The following LRRTM3 variants were observed in gnomAD, a reference collection of about 807,000 sequenced individuals.
LRRTM3 encodes the protein leucine rich repeat transmembrane neuronal 3.
LRRTM3 carries 24 observed loss-of-function variants against 44.7 expected under a neutral mutation model. That is an observed-to-expected ratio of 0.54 (90% CI 0.39 to 0.76). The LOEUF is 0.76. Among genes scored for constraint, LRRTM3 ranks in the 30% least tolerant of loss-of-function variants. LRRTM3 has a pLI of 0.00. For synonymous variants in LRRTM3, 277 were observed against 278.7 expected (o/e 0.99, Z 0.06); for missense variants, 587 against 702.2 (o/e 0.84, Z 1.85).
intron 2 of LRRTM3, among the ~76,000 whole-genome samples, chr10:66,968,661 GA>G (rs1330202553): frequency 6.6e-6 from 1 of 152,094 alleles, no homozygotes; most frequent in Non-Finnish European, 1.5e-5. Context: ...AAGTGGCTAT[GA>G]AACTGGGTAT....
At chr10:66,935,704 C>G (rs1308745420) in intron 2 of LRRTM3, among the ~76,000 whole-genome samples, 1 of 151,598 alleles carries the variant, frequency 6.6e-6, no homozygotes, top group Non-Finnish European at 1.5e-5. Flanking sequence ...TAATTGAGTC[C>G]TTATTATGTA....
intron 2 of LRRTM3, among the ~76,000 whole-genome samples, chr10:67,022,348 T>C (rs1023714614): frequency 1.3e-5 from 2 of 152,130 alleles, no homozygotes; most frequent in African/African-American, 4.8e-5. Flanking sequence ...TGTGTGTGTG[T>C]CTGTGTGTGT....
chr10:67,002,729 G>A (rs1252123745), intron 2 of LRRTM3, among the ~76,000 whole-genome samples: 1 of 151,728 alleles, frequency 6.6e-6, no homozygotes, highest in Non-Finnish European at 1.5e-5. Context: ...TTACCAAGCA[G>A]AATTTTTTTT....
At chr10:66,957,824 A>C (rs1301581930) in intron 2 of LRRTM3, among the ~76,000 whole-genome samples, 1 of 152,078 alleles carries the variant, frequency 6.6e-6, no homozygotes, top group Non-Finnish European at 1.5e-5. Context: ...CCAGCATTGC[A>C]GCCACTACTA....
chr10:66,965,711 T>C (rs924759241), intron 2 of LRRTM3, among the ~76,000 whole-genome samples: 1 of 152,070 alleles, frequency 6.6e-6, no homozygotes, highest in African/African-American at 2.4e-5. Context: ...CCCTGAATTT[T>C]TCTCTCTTCC....
At chr10:67,053,419 C>A (rs939152799) in intron 2 of LRRTM3, among the ~76,000 whole-genome samples, 10 of 152,154 alleles carry the variant, frequency 6.6e-5, no homozygotes, top group Non-Finnish European at 5.9e-5. Flanking sequence ...ACTTGAAGAA[C>A]ATTTTTATAA....
At chr10:66,943,519 C>CT (rs34477836) in intron 2 of LRRTM3, among the ~76,000 whole-genome samples, 96 of 141,512 alleles carry the variant, frequency 6.8e-4, no homozygotes, top group African/African-American at 2.3e-3. Flanking sequence ...TTCCCCCACC[C>CT]TTTTTTTTTT....
rs1453928127 is a variant in LRRTM3 at position 67,101,189 on chromosome 10, C to G, written c.*3393C>G. Among the ~76,000 whole-genome samples, 1 of 151,504 alleles carries G rather than the reference C, an allele frequency of 6.6e-6. No homozygotes were observed. Among genetic ancestry groups the G allele is most frequent in the Admixed American group, 6.6e-5 (1 of 15,138 alleles). The stretch of plus-strand genomic sequence containing the variant: ...GTGGATGCATGTAGGCCCCGAGGTA[C>G]AGACATAAAATCAAGGAAGCACAAG... On this transcript the variant is annotated 3_prime_UTR_variant, in exon 3 of 3. Coordinates refer to ENST00000361320, the MANE Select transcript of LRRTM3 (RefSeq NM_178011.5).
In LRRTM3 at chr10:67,100,985, T is replaced by C. The variant is rs189687435; in HGVS notation, c.*3189T>C. On this transcript the variant is annotated 3_prime_UTR_variant, in exon 3 of 3. Transcript: ENST00000361320. ...TATATATCTATATATATTTGACATG[T>C]TGTTTAGTAATCCCTATTTTAATTC... Among the ~76,000 whole-genome samples the C allele has an allele frequency of 4.0e-5, 6 of 151,880 alleles. No homozygotes were observed. The highest frequency in any genetic ancestry group is 7.4e-5 in the Non-Finnish European group (5 of 67,810).
At chr10:66,941,620 G>A (rs1181651093) in intron 2 of LRRTM3, among the ~76,000 whole-genome samples, 5 of 152,132 alleles carry the variant, frequency 3.3e-5, no homozygotes, top group Non-Finnish European at 7.3e-5. Flanking sequence ...ATAAACTGCA[G>A]AACACGATAT....
chr10:67,007,777 AG>A lies in LRRTM3; in HGVS notation c.1536+79326del, dbSNP rs566606938. Reference sequence around the variant, plus strand: ...ATAAAAATAGTATTTTTAAAAAAAAAGTTCAAAAAATTGTCAAGTAACTCAA... The same window carrying A: ...ATAAAAATAGTATTTTTAAAAAAAAATTCAAAAAATTGTCAAGTAACTCAA... On this transcript the variant is annotated intron_variant, in intron 2 of 2. Coordinates refer to ENST00000361320, the MANE Select transcript of LRRTM3 (RefSeq NM_178011.5). Among the ~76,000 whole-genome samples the A allele has an allele frequency of 1.5e-3, 227 of 152,134 alleles. 1 individual carries two copies. The highest frequency in any genetic ancestry group is 5.2e-3 in the African/African-American group (214 of 41,536).
chr10:67,003,182 G>C (rs1404957200), intron 2 of LRRTM3, among the ~76,000 whole-genome samples: 2 of 152,140 alleles, frequency 1.3e-5, no homozygotes, highest in Non-Finnish European at 2.9e-5. Flanking sequence ...TGCTGAATCA[G>C]ACTGCCCCAA....
intron 2 of LRRTM3, among the ~76,000 whole-genome samples, chr10:66,974,963 G>A (rs72804652): frequency 0.23 from 34,312 of 151,924 alleles, 4,368 homozygotes; most frequent in Non-Finnish European, 0.3. Flanking sequence ...TCAAGAATAG[G>A]TCTAAAATCC....
intron 2 of LRRTM3, among the ~76,000 whole-genome samples, chr10:66,937,313 C>A (rs1217706742): frequency 3.9e-4 from 59 of 152,156 alleles, no homozygotes; most frequent in Non-Finnish European, 5.9e-5. Context: ...GGCAAAGAAT[C>A]AGCATTTGTT....
Position 66,927,241 on chromosome 10 carries a change from C to A in LRRTM3, c.325C>A (p.Arg109Ser), listed in dbSNP as rs1223429501. The A allele has an allele frequency of 1.2e-6, 2 of 1,614,072 alleles. No individual in the cohort carries two copies. Among genetic ancestry groups the A allele is most frequent in the South Asian group, 2.2e-5 (2 of 91,084 alleles). Residue 109 changes from arginine (R) to serine (S), a missense_variant, in exon 2 of 3, where the codon CGC becomes AGC. Arg to Ser is a moderately radical substitution (Grantham distance 110). This residue lies in a region of LRRTM3 where 222 missense variants were observed against 323.3 expected (regional missense o/e 0.69). Transcript: ENST00000361320. This position sits in a 1 kb window ranked among gnomAD's most constrained non-coding sequence, Gnocchi z 4.7. ...TGACGAAAATGCTTTTAATGGAATACGCAGACTCAAAGAGCTGATTCTTAG... is the reference window on the plus strand; with the variant it reads ...TGACGAAAATGCTTTTAATGGAATAAGCAGACTCAAAGAGCTGATTCTTAG... ...NIDENAFNGI[R>S]RLKELILSSN...
At chr10:66,969,037 C>T (rs919775142) in intron 2 of LRRTM3, among the ~76,000 whole-genome samples, 54 of 151,738 alleles carry the variant, frequency 3.6e-4, no homozygotes, top group African/African-American at 1.3e-3. Context: ...AATAAATAAA[C>T]AAATATTATA....
At chr10:66,997,609 G>C (rs1851429199) in intron 2 of LRRTM3, among the ~76,000 whole-genome samples, 1 of 151,982 alleles carries the variant, frequency 6.6e-6, no homozygotes, top group Admixed American at 6.6e-5. Context: ...CTAAATTCAG[G>C]GTTCTGGATG....
At chr10:66,954,670 A>T (rs149914203) in intron 2 of LRRTM3, among the ~76,000 whole-genome samples, 17 of 152,316 alleles carry the variant, frequency 1.1e-4, no homozygotes, top group Middle Eastern at 3.4e-3. Flanking sequence ...ATTTGGATTA[A>T]AATCCAATGT....
At chr10:66,951,330 G>A (rs945393612) in intron 2 of LRRTM3, among the ~76,000 whole-genome samples, 2 of 152,000 alleles carry the variant, frequency 1.3e-5, no homozygotes, top group Non-Finnish European at 2.9e-5. Context: ...TGGCCAGGCT[G>A]GTCTCAAACT....
Sources: allele counts gnomAD v4.1 joint callset (sites outside exome capture counted in the v4.1 genomes callset), GRCh38; gene constraint gnomAD v4.1.1; regional missense constraint gnomAD v4.1.1; non-coding constraint Gnocchi (gnomAD v3.1); transcripts MANE v1.5; gene names NCBI Gene and HGNC (gene_info 2026-07-23, HGNC 2026-07-21).